CELF4: variants seen among roughly 807,000 people sequenced by gnomAD.
CELF4 encodes CUG-BP- and ETR-3-like factor 4.
Under a neutral mutation model 59.9 loss-of-function variants are expected in CELF4, and 18 were observed. That is an observed-to-expected ratio of 0.30 (90% CI 0.21 to 0.45). The LOEUF (loss-of-function observed/expected upper bound fraction) is 0.45, where lower values mean the gene tolerates loss of function less well. CELF4 is among the 20% of genes least tolerant of loss of function. CELF4 has a pLI of 1.00. For missense variants in CELF4, 456 were observed against 689.0 expected, an observed-to-expected ratio of 0.66 and a Z score of 3.79; for synonymous variants, 261 against 267.1, an observed-to-expected ratio of 0.98 and a Z score of 0.22.
intron 2 of CELF4, among the ~76,000 whole-genome samples, chr18:37,445,008 G>A (rs1400483488): frequency 1.3e-5 from 2 of 152,182 alleles, no homozygotes; most frequent in Non-Finnish European, 2.9e-5. Context: ...GACAGAGGCT[G>A]GGTGGGGCTG....
At chr18:37,547,558 G>A (rs962425224) in intron 1 of CELF4, among the ~76,000 whole-genome samples, 1 of 152,150 alleles carries the variant, frequency 6.6e-6, no homozygotes, top group Non-Finnish European at 1.5e-5. Context: ...TTGGTTAGAC[G>A]AACAGAAATT....
In CELF4 at chr18:37,274,790, G is replaced by A. The variant is rs764738264; in HGVS notation, c.657+15C>T. ...GCCGCTGCCCTCGCCCCCGCCCCAA[G>A]GGGCCAGCACTCACCGGCATGGTCT... is the stretch of plus-strand genomic sequence containing the variant. On this transcript the variant is annotated intron_variant, in intron 5 of 12. Coordinates refer to ENST00000420428, the MANE Select transcript of CELF4 (RefSeq NM_020180.4). The A allele has an allele frequency of 5.7e-6, 9 of 1,575,222 alleles. No homozygotes were observed. Among genetic ancestry groups the A allele is most frequent in the African/African-American group, 1.3e-5 (1 of 74,268 alleles).
At chr18:37,506,372 C>A (rs1343931461) in intron 1 of CELF4, among the ~76,000 whole-genome samples, 2 of 152,042 alleles carry the variant, frequency 1.3e-5, no homozygotes, top group Non-Finnish European at 1.5e-5. Context: ...TGTGGACAGA[C>A]CAGCCAGCTC....
chr18:37,397,460 C>T (rs2099259170), intron 2 of CELF4, among the ~76,000 whole-genome samples: 1 of 152,164 alleles, frequency 6.6e-6, no homozygotes, highest in African/African-American at 2.4e-5. Flanking sequence ...CCAGGACCAT[C>T]TGGGTAGCTC....
intron 2 of CELF4, among the ~76,000 whole-genome samples, chr18:37,466,823 G>A (rs946264317): frequency 9.2e-5 from 14 of 152,202 alleles, no homozygotes; most frequent in African/African-American, 3.1e-4. Context: ...GCTCCCTGGA[G>A]AAGGTGGCAT....
intron 10 of CELF4, among the ~76,000 whole-genome samples, chr18:37,260,565 G>A (rs1038293722): frequency 1.3e-5 from 2 of 152,190 alleles, no homozygotes; most frequent in African/African-American, 2.4e-5. Context: ...AACATGGGCC[G>A]CTGCATGGCT....
At chr18:37,507,240 T>G (rs1024821941) in intron 1 of CELF4, among the ~76,000 whole-genome samples, 1 of 152,154 alleles carries the variant, frequency 6.6e-6, no homozygotes, top group Non-Finnish European at 1.5e-5. Flanking sequence ...TCTGAGTGAG[T>G]GCTAGGAACA....
At position 37,379,507 on chromosome 18, in the gene CELF4, CAAAAAAAAAA is replaced by C. The variant is rs56250210; in HGVS notation, c.370-57636_370-57627del. Among the ~76,000 whole-genome samples, 3 of 45,708 alleles carry C rather than the reference CAAAAAAAAAA, an allele frequency of 6.6e-5. 1 individual carries two copies. The highest frequency in any genetic ancestry group is 1.1e-4 in the Non-Finnish European group (3 of 27,968). The allele number at this position is 45,708 out of a possible 152,430, so 30.0% of individuals were successfully genotyped here. A position where few individuals can be genotyped will look rare whatever the true frequency, so the allele number is the denominator to read the frequency against. Reference sequence around the variant, plus strand: ...GGCATCACAAATAAGAGGCCATAAGCAAAAAAAAAAAAAAAAAAAAAAAAAGGTACTATCC... The same window carrying C: ...GGCATCACAAATAAGAGGCCATAAGCAAAAAAAAAAAAAAAGGTACTATCC... On this transcript the variant is annotated intron_variant, in intron 2 of 12. Transcript: ENST00000420428.
intron 1 of CELF4, among the ~76,000 whole-genome samples, chr18:37,518,023 T>C (rs565621806): frequency 3.1e-3 from 470 of 152,158 alleles, no homozygotes; most frequent in Non-Finnish European, 5.2e-3. Context: ...CTCTCAGGCC[T>C]CAAAAGCACA....
At chr18:37,538,358 C>T (rs1452125674) in intron 1 of CELF4, among the ~76,000 whole-genome samples, 1 of 152,214 alleles carries the variant, frequency 6.6e-6, no homozygotes, top group Non-Finnish European at 1.5e-5. Flanking sequence ...AAAGGTATCA[C>T]CCATCTTCAA....
intron 2 of CELF4, among the ~76,000 whole-genome samples, chr18:37,415,708 C>T (rs537149773): frequency 2.6e-5 from 4 of 152,260 alleles, no homozygotes; most frequent in Admixed American, 1.3e-4. Flanking sequence ...TGGAGCCTGA[C>T]GATTTCTACC....
intron 2 of CELF4, among the ~76,000 whole-genome samples, chr18:37,397,537 T>G (rs1441515090): frequency 6.6e-6 from 1 of 151,800 alleles, no homozygotes; most frequent in African/African-American, 2.4e-5. Flanking sequence ...CATGGAGGAG[T>G]CCTGGGGAGT....
At chr18:37,324,483 C>T (rs903474381) in intron 2 of CELF4, among the ~76,000 whole-genome samples, 1 of 152,210 alleles carries the variant, frequency 6.6e-6, no homozygotes, top group African/African-American at 2.4e-5. Flanking sequence ...CAATCCTGCC[C>T]ACACCTTGAT....
intron 2 of CELF4, among the ~76,000 whole-genome samples, chr18:37,431,516 C>T (rs1415098931): frequency 3.3e-5 from 5 of 151,812 alleles, no homozygotes; most frequent in African/African-American, 7.3e-5. Context: ...TACAGGCGCC[C>T]GCCACCACGC....
chr18:37,484,386 C>T (rs896961795), intron 2 of CELF4, among the ~76,000 whole-genome samples: 1 of 152,186 alleles, frequency 6.6e-6, no homozygotes, highest in Non-Finnish European at 1.5e-5. Context: ...GAAAAAACAA[C>T]TGGGGAATGG....
chr18:37,494,783 A>G (rs540302202), intron 1 of CELF4, among the ~76,000 whole-genome samples: 3 of 152,120 alleles, frequency 2.0e-5, no homozygotes, highest in Non-Finnish European at 4.4e-5. Context: ...GCAGTGTCTG[A>G]GGACAGTGTG....
At chr18:37,359,579 C>T (rs534489925) in intron 2 of CELF4, among the ~76,000 whole-genome samples, 2 of 152,280 alleles carry the variant, frequency 1.3e-5, no homozygotes, top group Admixed American at 1.3e-4. Flanking sequence ...TGGCCTCAAA[C>T]GATCCTCATG....
chr18:37,502,809 C>T (rs1167134803), intron 1 of CELF4, among the ~76,000 whole-genome samples: 1 of 152,242 alleles, frequency 6.6e-6, no homozygotes, highest in Non-Finnish European at 1.5e-5. Flanking sequence ...TCGGTAACAT[C>T]TCACCTCGTC....
At chr18:37,397,643 C>G (rs780961573) in intron 2 of CELF4, among the ~76,000 whole-genome samples, 6 of 152,196 alleles carry the variant, frequency 3.9e-5, no homozygotes, top group Non-Finnish European at 5.9e-5. Context: ...GCCCAGAAAC[C>G]AGGCCCAGGG....
Sources: allele counts gnomAD v4.1 joint callset (sites outside exome capture counted in the v4.1 genomes callset), GRCh38; gene constraint gnomAD v4.1.1; transcripts MANE v1.5; gene names NCBI Gene and HGNC (gene_info 2026-07-23, HGNC 2026-07-21).